ZNF670: variants seen among roughly 807,000 people sequenced by gnomAD.
ZNF670 encodes zinc finger protein 670.
In ZNF670, 7 loss-of-function variants were observed where a neutral mutation model predicts 10.9. The observed-to-expected ratio is 0.64, with a 90% CI of 0.36 to 1.20. ZNF670 has a LOEUF of 1.20. Ranked by LOEUF, ZNF670 falls within the 50% of genes most tolerant of loss-of-function variation. The pLI, the probability that ZNF670 is intolerant of heterozygous loss-of-function variation, is 0.02. For missense variants in ZNF670, 446 were observed against 458.6 expected (o/e 0.97, Z 0.25); for synonymous variants, 136 against 152.7 (o/e 0.89, Z 0.81).
intron 1 of ZNF670, among the ~76,000 whole-genome samples, chr1:247,048,417 C>G (rs554328188): frequency 4.5e-4 from 69 of 152,348 alleles, no homozygotes; most frequent in African/African-American, 1.6e-3. Flanking sequence ...ATATCACTAT[C>G]AGCATTTTGG....
At chr1:247,039,119 C>T (rs1670244274) in intron 2 of ZNF670, among the ~76,000 whole-genome samples, 1 of 140,180 alleles carries the variant, frequency 7.1e-6, no homozygotes, top group Non-Finnish European at 1.5e-5. Context: ...AGTGCAGTGG[C>T]TCAATCTCGG....
At chr1:247,062,351 TAAA>T (rs1197929460) in intron 1 of ZNF670, among the ~76,000 whole-genome samples, 1 of 152,190 alleles carries the variant, frequency 6.6e-6, no homozygotes, top group Non-Finnish European at 1.5e-5. Context: ...TTAGGGGAAA[TAAA>T]AAGGTAAACA....
chr1:247,054,070 G>T (rs896991043), intron 1 of ZNF670, among the ~76,000 whole-genome samples: 2 of 152,228 alleles, frequency 1.3e-5, no homozygotes, highest in African/African-American at 2.4e-5. Flanking sequence ...TTGGAATGTA[G>T]TGCTGCCAAC....
Position 247,038,420 on chromosome 1 carries a change from CAT to C in ZNF670, c.197_198del (p.His66ArgfsTer7). On this transcript the variant is annotated frameshift_variant, in exon 4 of 4. Transcript: ENST00000366503. LOFTEE classifies it low-confidence loss of function (END_TRUNC). ...TTAATTTCAAACAGTCTCTCTACCA[CAT>C]GACTGCTGTAAAAATGATAAACATC... ...FKNPGRNLSS[H>X]VVERLFEIKE... 4.4e-6 allele frequency: 7 copies of C among 1,603,462 alleles called. No homozygotes were observed. Among genetic ancestry groups the C allele is most frequent in the Non-Finnish European group, 6.0e-6 (7 of 1,175,560 alleles).
chr1:247,052,032 C>A (rs934908747), intron 1 of ZNF670, among the ~76,000 whole-genome samples: 2 of 150,032 alleles, frequency 1.3e-5, no homozygotes, highest in African/African-American at 4.9e-5. Context: ...TGGTTTCCAC[C>A]TTTCTCTGGT....
intron 1 of ZNF670, among the ~76,000 whole-genome samples, chr1:247,044,389 CA>C (rs1670390487): frequency 6.6e-6 from 1 of 152,162 alleles, no homozygotes; most frequent in African/African-American, 2.4e-5. Context: ...TTGTGAAAAG[CA>C]GTTTGAAGAT....
intron 1 of ZNF670, among the ~76,000 whole-genome samples, chr1:247,052,695 T>C (rs560488332): frequency 2.2e-4 from 34 of 152,346 alleles, no homozygotes; most frequent in African/African-American, 7.9e-4. Context: ...CATTCTGTTA[T>C]GAGTTGCTAT....
At chr1:247,078,334 C>T (rs6689229) in intron 1 of ZNF670, among the ~76,000 whole-genome samples, 49,150 of 152,182 alleles carry the variant, frequency 0.32, 9,084 homozygotes, top group African/African-American at 0.5. Flanking sequence ...CCCGTCGGCA[C>T]CGCACGATCC....
intron 1 of ZNF670, among the ~76,000 whole-genome samples, chr1:247,052,973 T>C (rs1670632627): frequency 6.6e-6 from 1 of 152,178 alleles, no homozygotes; most frequent in African/African-American, 2.4e-5. Flanking sequence ...CTGAGGCCAC[T>C]GTGGGAGATG....
chr1:247,072,059 G>A (rs548598984), intron 1 of ZNF670, among the ~76,000 whole-genome samples: 149 of 151,712 alleles, frequency 9.8e-4, no homozygotes, highest in African/African-American at 3.0e-3. Context: ...GGGTTTCACC[G>A]TGTTAGCCAG....
intron 1 of ZNF670, among the ~76,000 whole-genome samples, chr1:247,067,529 AG>A (rs1671012779): frequency 6.6e-6 from 1 of 151,730 alleles, no homozygotes; most frequent in South Asian, 2.1e-4. Context: ...ATGGACAAAA[AG>A]TATCACATCA....
chr1:247,043,324 C>T (rs748277528), intron 1 of ZNF670: 15 of 588,900 alleles, frequency 2.5e-5, no homozygotes, highest in African/African-American at 5.5e-5. Flanking sequence ...AAACTGTCTT[C>T]GGTGGTATAT....
chr1:247,064,829 G>T (rs1304047883), intron 1 of ZNF670, among the ~76,000 whole-genome samples: 2 of 151,820 alleles, frequency 1.3e-5, no homozygotes, highest in Non-Finnish European at 2.9e-5. Flanking sequence ...ATTTTTGACT[G>T]GGTCTCACTC....
chr1:247,073,774 G>A (rs1275910737), intron 1 of ZNF670, among the ~76,000 whole-genome samples: 3 of 152,108 alleles, frequency 2.0e-5, no homozygotes, highest in Non-Finnish European at 4.4e-5. Context: ...TGCCCACATT[G>A]CACATGCCAG....
At chr1:247,066,506 A>G (rs1670983469) in intron 1 of ZNF670, among the ~76,000 whole-genome samples, 1 of 152,176 alleles carries the variant, frequency 6.6e-6, no homozygotes, top group African/African-American at 2.4e-5. Context: ...ATGGTCATGG[A>G]TGCCCATCCC....
chr1:247,038,073 AC>A lies in ZNF670; in HGVS notation c.545del (p.Ser182MetfsTer103). 6 of 1,614,198 alleles carry A rather than the reference AC, an allele frequency of 3.7e-6. No homozygotes were observed. The highest frequency in any genetic ancestry group is 5.1e-6 in the Non-Finnish European group (6 of 1,180,020). On this transcript the variant is annotated frameshift_variant, in exon 4 of 4. Transcript: ENST00000366503. LOFTEE classifies it low-confidence loss of function (END_TRUNC). ...PVYEKPFDFP[S>X]VFQMPQSTYT... ...AAGTGCTCTGAGGCATTTGAAATAC[AC>A]TAGGAAAATCAAAAGGCTTCTCATA... is the stretch of plus-strand genomic sequence containing the variant.
chr1:247,075,119 T>C (rs954904268), intron 1 of ZNF670, among the ~76,000 whole-genome samples: 1 of 152,188 alleles, frequency 6.6e-6, no homozygotes, highest in Non-Finnish European at 1.5e-5. Context: ...TTACGTTTAA[T>C]ACCTCAACTG....
intron 1 of ZNF670, among the ~76,000 whole-genome samples, chr1:247,051,882 AC>A (rs1175231550): frequency 6.6e-6 from 1 of 151,196 alleles, no homozygotes; most frequent in Non-Finnish European, 1.5e-5. Context: ...TATTGTTGAA[AC>A]TTTCCAGTGT....
chr1:247,078,540 G>A, intron 1 of ZNF670, 54 bp downstream of exon 1: 1 of 1,611,516 alleles, frequency 6.2e-7, no homozygotes, highest in Non-Finnish European at 8.5e-7. Context: ...CGCCACAACC[G>A]CTTCCTGGCG....
Sources: gnomAD v4.1 joint callset for allele counts (sites outside exome capture counted in the v4.1 genomes callset) on GRCh38, gnomAD v4.1.1 for gene constraint, MANE v1.5 for transcripts, NCBI Gene and HGNC (gene_info 2026-07-23, HGNC 2026-07-21) for gene names.